Variants in SUCO observed in about 807,000 individuals in gnomAD.
SUCO encodes SUN domain-containing ossification factor.
In SUCO, 57 loss-of-function variants were observed where a neutral mutation model predicts 148.1. The observed-to-expected ratio is 0.38, with a 90% confidence interval of 0.31 to 0.48. SUCO has a LOEUF of 0.48. Ranked by LOEUF, SUCO falls within the 20% of genes least tolerant of loss-of-function variation. The probability of loss-of-function intolerance (pLI) is 0.96; values close to 1 mark genes in which losing one functional copy is unlikely to be tolerated. For missense variants in SUCO, 1,331 were observed against 1,468.2 expected (o/e 0.91, Z 1.53); for synonymous variants, 470 against 502.7 (o/e 0.93, Z 0.87).
chr1:172,548,804 G>A (rs1345321990), intron 1 of SUCO, among the ~76,000 whole-genome samples: 2 of 151,950 alleles, frequency 1.3e-5, no homozygotes, highest in East Asian at 1.9e-4. Context: ...AATGTTCCAC[G>A]TGTCCTTGAG....
At chr1:172,548,052 A>G (rs1204501028) in intron 1 of SUCO, among the ~76,000 whole-genome samples, 2 of 152,046 alleles carry the variant, frequency 1.3e-5, no homozygotes, top group Admixed American at 6.5e-5. Flanking sequence ...TGAAATTTGA[A>G]ATTATTTCCA....
intron 23 of SUCO, 29 bp downstream of exon 23, chr1:172,608,831 T>G: frequency 1.4e-6 from 2 of 1,419,366 alleles, no homozygotes; most frequent in South Asian, 2.4e-5. Flanking sequence ...TTAAGTTTAT[T>G]GCTATGTTTT....
chr1:172,557,790 A>G lies in SUCO; in HGVS notation c.728A>G (p.Asn243Ser), dbSNP rs1206617186. The G allele has an allele frequency of 2.5e-6, 4 of 1,594,188 alleles. No homozygotes were observed. In the South Asian group the frequency reaches 3.5e-5, roughly 14 times the overall value. Residue 243 changes from asparagine to serine, a missense_variant, in exon 6 of 24, where the codon AAT becomes AGT. Transcript: ENST00000263688. Reference sequence around the variant, plus strand: ...TTGAATGCTTCAGATAATTTAAAAAATGAGGTAGGTATATAACTTGCACTA... The same window carrying G: ...TTGAATGCTTCAGATAATTTAAAAAGTGAGGTAGGTATATAACTTGCACTA... ...SALNASDNLK[N>S]ESSDYTKPGD...
At chr1:172,578,135 A>G (rs2149252210) in intron 13 of SUCO, among the ~76,000 whole-genome samples, 163 bp from the exon 14 acceptor site, 1 of 152,060 alleles carries the variant, frequency 6.6e-6, no homozygotes, top group South Asian at 2.1e-4. Context: ...ATTTTAATTG[A>G]AACAGTAGAT....
intron 22 of SUCO, among the ~76,000 whole-genome samples, chr1:172,605,165 C>T (rs1657784550): frequency 6.6e-6 from 1 of 151,732 alleles, no homozygotes; most frequent in Non-Finnish European, 1.5e-5. Flanking sequence ...CTTGGATGTA[C>T]AGTTTTTAAG....
At chr1:172,565,338 AT>A (rs2149241552) in intron 6 of SUCO, among the ~76,000 whole-genome samples, 1 of 152,378 alleles carries the variant, frequency 6.6e-6, no homozygotes, top group Non-Finnish European at 1.5e-5. Flanking sequence ...CAAAGCAGTT[AT>A]AAGACAGCTC....
intron 22 of SUCO, among the ~76,000 whole-genome samples, chr1:172,607,201 TTGTG>T (rs1657916248): frequency 6.6e-6 from 1 of 151,928 alleles, no homozygotes; most frequent in South Asian, 2.1e-4. Context: ...TGTTGTGTCT[TTGTG>T]TGCTACTTTT....
At chr1:172,591,436 C>G (rs532473275) in intron 19 of SUCO, among the ~76,000 whole-genome samples, 2 of 122,204 alleles carry the variant, frequency 1.6e-5, no homozygotes, top group African/African-American at 3.0e-5. Flanking sequence ...CCCCTCCCCC[C>G]ACCCCACAAC....
At chr1:172,556,559 A>G (rs531234832) in intron 4 of SUCO, 1 of 964,514 alleles carries the variant, frequency 1.0e-6, no homozygotes, top group South Asian at 4.8e-5. Flanking sequence ...CCTTCTCTTA[A>G]TACTACATTA....
intron 9 of SUCO, among the ~76,000 whole-genome samples, chr1:172,573,023 A>G (rs1379641895): frequency 3.3e-5 from 5 of 152,128 alleles, no homozygotes; most frequent in African/African-American, 1.2e-4. Context: ...AAATCTTAGC[A>G]TCATTTTAAA....
intron 19 of SUCO, among the ~76,000 whole-genome samples, chr1:172,599,197 C>T (rs992369745): frequency 5.9e-5 from 9 of 151,918 alleles, no homozygotes; most frequent in South Asian, 2.1e-4. Context: ...GGCATAGTGG[C>T]GGGCACCTGT....
intron 18 of SUCO, 59 bp from the exon 19 acceptor site, chr1:172,590,925 A>G (rs1476100595): frequency 8.2e-7 from 1 of 1,224,314 alleles, no homozygotes; most frequent in Non-Finnish European, 1.2e-6. Flanking sequence ...GTATGTTTCC[A>G]TTACTAAGTG....
At chr1:172,608,189 C>T in intron 22 of SUCO, 1 of 616,844 alleles carries the variant, frequency 1.6e-6, no homozygotes, top group Non-Finnish European at 2.0e-6. Context: ...ATTGCATGTT[C>T]AAGCTGTTTT....
rs1325350313 is a variant in SUCO at position 172,578,385 on chromosome 1, C to G, written c.1428C>G (p.Asp476Glu). Residue 476 changes from aspartate (D) to glutamate (E), a missense_variant, in exon 14 of 24, where the codon GAC becomes GAG. Coordinates refer to ENST00000263688, the MANE Select transcript of SUCO (RefSeq NM_014283.5). ...HSERQELFDE[D>E]YDYPLDYNTG... ...AACGCCAGGAACTATTTGATGAGGA[C>G]TATGGTAAGTGACATCAAACAGATG... 6.2e-7 allele frequency: 1 copy of G among 1,609,630 alleles called. No homozygotes were observed. Among genetic ancestry groups the G allele is most frequent in the South Asian group, 1.1e-5 (1 of 90,942 alleles).
chr1:172,537,189 CTTAA>C (rs1460735195), intron 1 of SUCO, among the ~76,000 whole-genome samples: 4 of 151,928 alleles, frequency 2.6e-5, no homozygotes, highest in Admixed American at 6.6e-5. Flanking sequence ...GTGCATCCAC[CTTAA>C]TTGTCTATAA....
chr1:172,576,831 AG>A (rs1655479850), intron 11 of SUCO: 4 of 790,148 alleles, frequency 5.1e-6, no homozygotes, highest in Non-Finnish European at 6.1e-6. Flanking sequence ...GCTCATGAAA[AG>A]CAGAGAAAAA....
intron 1 of SUCO, among the ~76,000 whole-genome samples, chr1:172,547,846 TC>T (rs1460096172): frequency 6.6e-6 from 1 of 152,120 alleles, no homozygotes; most frequent in Non-Finnish European, 1.5e-5. Flanking sequence ...CAAGAGAATA[TC>T]CCTATTCTGT....
intron 1 of SUCO, among the ~76,000 whole-genome samples, chr1:172,538,483 T>C (rs1477448160): frequency 3.3e-5 from 5 of 152,284 alleles, no homozygotes; most frequent in African/African-American, 1.2e-4. Flanking sequence ...ATAGAGCATA[T>C]TGGAAACATA....
chr1:172,572,432 T>C (rs1406741833), intron 9 of SUCO, among the ~76,000 whole-genome samples: 1 of 151,966 alleles, frequency 6.6e-6, no homozygotes, highest in East Asian at 1.9e-4. Flanking sequence ...ACATGTGCTG[T>C]GTCCACTCAG....
Sources: allele counts gnomAD v4.1 joint callset (sites outside exome capture counted in the v4.1 genomes callset), GRCh38; gene constraint gnomAD v4.1.1; transcripts MANE v1.5; gene names NCBI Gene and HGNC (gene_info 2026-07-23, HGNC 2026-07-21).